CAMK4: variants seen among roughly 807,000 people sequenced by gnomAD.
CAMK4 encodes calcium/calmodulin dependent protein kinase IV.
In CAMK4, 22 loss-of-function variants were observed where a neutral mutation model predicts 44.9. The ratio of observed to expected loss-of-function variants is 0.49; its 90% CI spans 0.35 to 0.70. CAMK4 has a LOEUF of 0.70. Among genes scored for constraint, CAMK4 ranks in the 30% least tolerant of loss-of-function variants. CAMK4 has a pLI of 0.01. For missense variants in CAMK4, 498 were observed against 586.8 expected (o/e 0.85, Z 1.56); for synonymous variants, 218 against 215.4 (o/e 1.01, Z -0.11).
chr5:111,467,823 A>ACCGTTTGAT (rs1399440845), intron 7 of CAMK4, among the ~76,000 whole-genome samples: 1 of 152,170 alleles, frequency 6.6e-6, no homozygotes, highest in Non-Finnish European at 1.5e-5. Context: ...AAGTAGAACT[A>ACCGTTTGAT]CCGTTTGATC....
chr5:111,227,471 G>A (rs955707666), intron 1 of CAMK4, among the ~76,000 whole-genome samples: 1 of 152,228 alleles, frequency 6.6e-6, no homozygotes, highest in Admixed American at 6.5e-5. Flanking sequence ...GTCTCCACCA[G>A]AATTAGTGAT....
At chr5:111,330,469 T>G (rs1360350041) in intron 1 of CAMK4, among the ~76,000 whole-genome samples, 1 of 142,652 alleles carries the variant, frequency 7.0e-6, no homozygotes, top group African/African-American at 2.7e-5. Context: ...GGATCTTTGT[T>G]TTTCTTTTTT....
intron 5 of CAMK4, among the ~76,000 whole-genome samples, chr5:111,419,783 G>T (rs1053029736): frequency 7.9e-5 from 12 of 152,054 alleles, no homozygotes; most frequent in Admixed American, 6.5e-5. Context: ...TGAGGGCTCT[G>T]TTCTGTTCCA....
chr5:111,305,044 C>T (rs1280299508), intron 1 of CAMK4, among the ~76,000 whole-genome samples: 2 of 95,476 alleles, frequency 2.1e-5, no homozygotes, highest in African/African-American at 8.4e-5. Flanking sequence ...TTCTTTGAAA[C>T]CAACGAGAAC....
intron 5 of CAMK4, among the ~76,000 whole-genome samples, chr5:111,417,447 C>T (rs1222750376): frequency 1.3e-5 from 2 of 151,976 alleles, no homozygotes; most frequent in Non-Finnish European, 2.9e-5. Context: ...AACTCCTGAC[C>T]TCAAGTGATC....
chr5:111,344,225 G>C, intron 2 of CAMK4, 123 bp downstream of exon 2: 1 of 558,004 alleles, frequency 1.8e-6, no homozygotes, highest in Non-Finnish European at 3.1e-6. Flanking sequence ...TTTGACTCTT[G>C]ATTACGGGAG....
At chr5:111,367,696 C>T (rs988918081) in intron 2 of CAMK4, among the ~76,000 whole-genome samples, 2 of 152,214 alleles carry the variant, frequency 1.3e-5, no homozygotes, top group Middle Eastern at 6.8e-3. Context: ...TCACAAATGA[C>T]TGCCAATGAG....
chr5:111,300,340 A>G (rs1747666965), intron 1 of CAMK4, among the ~76,000 whole-genome samples: 1 of 152,158 alleles, frequency 6.6e-6, no homozygotes. Context: ...GAAATCTGAA[A>G]CTTTGCCTTG....
intron 5 of CAMK4, among the ~76,000 whole-genome samples, chr5:111,428,749 G>A (rs958279020): frequency 1.3e-5 from 2 of 152,096 alleles, no homozygotes; most frequent in African/African-American, 4.8e-5. Context: ...TCTTAAAAGA[G>A]CAAATCTAAA....
intron 5 of CAMK4, among the ~76,000 whole-genome samples, chr5:111,437,435 G>C (rs1753685195): frequency 6.6e-6 from 1 of 152,278 alleles, no homozygotes; most frequent in Non-Finnish European, 1.5e-5. Flanking sequence ...TTAGTGTTAG[G>C]CTCTGTGAAG....
At chr5:111,258,093 AAAC>A (rs886263221) in intron 1 of CAMK4, among the ~76,000 whole-genome samples, 2 of 152,218 alleles carry the variant, frequency 1.3e-5, no homozygotes, top group African/African-American at 4.8e-5. Context: ...TAGGTGCAGC[AAAC>A]CACCATGGTA....
intron 5 of CAMK4, 63 bp downstream of exon 5, chr5:111,394,845 A>T (rs1246046269): frequency 1.7e-5 from 17 of 1,010,340 alleles, no homozygotes; most frequent in Non-Finnish European, 2.7e-5. Flanking sequence ...CAGAATCATC[A>T]TTTAAGAAAT....
intron 1 of CAMK4, among the ~76,000 whole-genome samples, chr5:111,322,471 T>C (rs772608431): frequency 7.9e-5 from 12 of 152,072 alleles, no homozygotes; most frequent in Non-Finnish European, 1.6e-4. Flanking sequence ...CCAAACTTGA[T>C]AGGATCAAAA....
intron 7 of CAMK4, among the ~76,000 whole-genome samples, chr5:111,458,731 T>C (rs1390760050): frequency 6.6e-6 from 1 of 151,782 alleles, no homozygotes; most frequent in Admixed American, 6.6e-5. Context: ...TAAGCAAAAA[T>C]TTGAGAGAGG....
intron 1 of CAMK4, among the ~76,000 whole-genome samples, chr5:111,227,636 G>A (rs1432653072): frequency 6.6e-6 from 1 of 152,202 alleles, no homozygotes; most frequent in Non-Finnish European, 1.5e-5. Context: ...TGAAGCCCCT[G>A]GATAGTGCTG....
chr5:111,368,821 C>T (rs1750893915), intron 2 of CAMK4, among the ~76,000 whole-genome samples: 1 of 151,930 alleles, frequency 6.6e-6, no homozygotes, highest in Non-Finnish European at 1.5e-5. Flanking sequence ...TTTGCTTCAC[C>T]CTTCTCAGCC....
At chr5:111,308,866 T>G (rs1377069463) in intron 1 of CAMK4, among the ~76,000 whole-genome samples, 7 of 152,228 alleles carry the variant, frequency 4.6e-5, no homozygotes, top group Admixed American at 4.6e-4. Context: ...TGTATTTAAT[T>G]ATAGATGAAA....
intron 1 of CAMK4, among the ~76,000 whole-genome samples, chr5:111,337,762 C>T (rs1398395361): frequency 1.3e-5 from 2 of 151,002 alleles, no homozygotes; most frequent in Admixed American, 6.6e-5. Flanking sequence ...AAGCTCTGAT[C>T]GGTGAGTGAC....
In CAMK4 at chr5:111,289,941, A is replaced by C. The variant is rs538107926; in HGVS notation, c.162-54083A>C. 2.6e-5 allele frequency among the ~76,000 whole-genome samples: 4 copies of C among 152,302 alleles called. No homozygotes were observed. In the East Asian group the frequency reaches 7.7e-4, roughly 29 times the overall value. ...GAATCTAAAATTTAGTTGGAACTTG[A>C]TTATGTCTGCTGGTGGAAGTAGTAT... On this transcript the variant is annotated intron_variant, in intron 1 of 10. Transcript: ENST00000282356.
Sources: gnomAD v4.1 joint callset for allele counts (sites outside exome capture counted in the v4.1 genomes callset) on GRCh38, gnomAD v4.1.1 for gene constraint, MANE v1.5 for transcripts, NCBI Gene and HGNC (gene_info 2026-07-23, HGNC 2026-07-21) for gene names.